The following KIF5C variants were observed in gnomAD, a reference collection of about 807,000 sequenced individuals.
KIF5C encodes kinesin family member 5C, also known as kinesin heavy chain isoform 5C.
In KIF5C, 18 loss-of-function variants were observed where a neutral mutation model predicts 125.2. The observed-to-expected ratio is 0.14, with a 90% confidence interval of 0.10 to 0.21. KIF5C has a LOEUF of 0.21. Ranked by LOEUF, KIF5C falls within the 10% of genes least tolerant of loss-of-function variation. The probability of loss-of-function intolerance (pLI) is 1.00; values close to 1 mark genes in which losing one functional copy is unlikely to be tolerated. For synonymous variants in KIF5C, 405 were observed against 434.0 expected (o/e 0.93, Z 0.83); for missense variants, 780 against 1,183.8 (o/e 0.66, Z 5.01).
chr2:148,928,429 AG>A (rs1369635125), intron 2 of KIF5C, among the ~76,000 whole-genome samples: 3 of 152,228 alleles, frequency 2.0e-5, no homozygotes, highest in African/African-American at 7.2e-5. Flanking sequence ...AGGATGAAGG[AG>A]GAAAGCAGGA....
chr2:149,009,850 A>G (rs1250198525), intron 23 of KIF5C, among the ~76,000 whole-genome samples: 1 of 152,098 alleles, frequency 6.6e-6, no homozygotes, highest in Non-Finnish European at 1.5e-5. Flanking sequence ...CACACACCCA[A>G]ACAGAAGAGG....
intron 8 of KIF5C, chr2:148,948,002 T>C (rs964288673): frequency 2.2e-6 from 1 of 456,516 alleles, no homozygotes; most frequent in African/African-American, 2.0e-5. Flanking sequence ...TATGCATTTG[T>C]AAAACCTGAG....
At chr2:148,906,147 G>A (rs1414650906) in intron 1 of KIF5C, among the ~76,000 whole-genome samples, 1 of 152,198 alleles carries the variant, frequency 6.6e-6, no homozygotes, top group African/African-American at 2.4e-5. Flanking sequence ...AGGGAAAAAG[G>A]GGAGGCAGAG....
chr2:148,933,649 T>G (rs1373054083), intron 3 of KIF5C, among the ~76,000 whole-genome samples: 1 of 145,540 alleles, frequency 6.9e-6, no homozygotes, highest in Non-Finnish European at 1.5e-5. Context: ...CCCACATACA[T>G]TGTACACACA....
intron 8 of KIF5C, 100 bp downstream of exon 8, chr2:148,947,123 A>G: frequency 6.9e-7 from 1 of 1,457,550 alleles, no homozygotes; most frequent in Non-Finnish European, 9.1e-7. Context: ...CCTGCTTTAA[A>G]GAGCTTTTAA....
chr2:149,009,407 G>A (rs1682114958), intron 23 of KIF5C, among the ~76,000 whole-genome samples: 2 of 152,184 alleles, frequency 1.3e-5, no homozygotes, highest in Non-Finnish European at 2.9e-5. Flanking sequence ...GCTCACTTTG[G>A]TGTAGCACTT....
intron 25 of KIF5C, 99 bp from the exon 26 acceptor site, chr2:149,022,979 C>G (rs1044241140): frequency 9.2e-5 from 14 of 152,160 alleles, no homozygotes; most frequent in African/African-American, 3.1e-4. Context: ...TCTGACAGCT[C>G]TGGTCTAAAC....
intron 8 of KIF5C, among the ~76,000 whole-genome samples, chr2:148,948,565 C>T (rs1296692976): frequency 6.6e-6 from 1 of 152,128 alleles, no homozygotes; most frequent in African/African-American, 2.4e-5. Flanking sequence ...AAATCATGTC[C>T]TTCACGTAGT....
At chr2:148,973,959 A>C (rs548001025) in intron 12 of KIF5C, among the ~76,000 whole-genome samples, 1 of 152,310 alleles carries the variant, frequency 6.6e-6, no homozygotes, top group African/African-American at 2.4e-5. Context: ...AGGCCCTGGG[A>C]TGAGAAATCG....
chr2:148,906,582 A>T (rs2105062037), intron 1 of KIF5C, among the ~76,000 whole-genome samples: 1 of 151,998 alleles, frequency 6.6e-6, no homozygotes, highest in Admixed American at 6.5e-5. Context: ...AAAAATAATG[A>T]AGTCAGGCAT....
chr2:149,019,576 G>A (rs1423816977), intron 25 of KIF5C, among the ~76,000 whole-genome samples: 1 of 152,144 alleles, frequency 6.6e-6, no homozygotes, highest in Non-Finnish European at 1.5e-5. Flanking sequence ...CAGCTTCATG[G>A]TTCTCAGAGT....
At chr2:148,980,490 G>A (rs910261703) in intron 13 of KIF5C, among the ~76,000 whole-genome samples, 1 of 152,042 alleles carries the variant, frequency 6.6e-6, no homozygotes, top group East Asian at 1.9e-4. Flanking sequence ...TAAAGATACT[G>A]TTTGGGGTAC....
At chr2:149,022,074 G>A (rs1243628782) in intron 25 of KIF5C, among the ~76,000 whole-genome samples, 1 of 152,164 alleles carries the variant, frequency 6.6e-6, no homozygotes, top group East Asian at 1.9e-4. Flanking sequence ...AAATGGACAG[G>A]GGTGGTCTTT....
At chr2:148,992,786 A>T (rs566984465) in intron 16 of KIF5C, among the ~76,000 whole-genome samples, 1 of 152,228 alleles carries the variant, frequency 6.6e-6, no homozygotes. Flanking sequence ...TTTTATGATT[A>T]TATAGTTGTT....
chr2:149,002,349 G>A (rs1681875392), intron 21 of KIF5C, among the ~76,000 whole-genome samples: 1 of 152,098 alleles, frequency 6.6e-6, no homozygotes, highest in South Asian at 2.1e-4. Context: ...AAGCATGTGA[G>A]CACATCATCA....
intron 15 of KIF5C, among the ~76,000 whole-genome samples, chr2:148,987,658 C>G (rs565663426): frequency 6.6e-6 from 1 of 151,876 alleles, no homozygotes; most frequent in Non-Finnish European, 1.5e-5. Flanking sequence ...TCCTTGGCCA[C>G]GAGGGGGTCT....
Position 149,023,528 on chromosome 2 carries a change from G to T in KIF5C, c.*458G>T, listed in dbSNP as rs938457120. The stretch of plus-strand genomic sequence containing the variant: ...GTTTTATATTTTTAGGGAACAAAAA[G>T]TGCTGCTATAGGGTTCAAAGTTTTC... On this transcript the variant is annotated 3_prime_UTR_variant, in exon 26 of 26. Coordinates refer to ENST00000435030, the MANE Select transcript of KIF5C (RefSeq NM_004522.3). 7 of 152,728 alleles carry T rather than the reference G, an allele frequency of 4.6e-5. No individual in the cohort carries two copies. Among genetic ancestry groups the T allele is most frequent in the African/African-American group, 1.7e-4 (7 of 41,558 alleles). 9.5% of individuals were successfully genotyped at this position (152,728 alleles called of 1,614,324 possible).
At position 148,911,407 on chromosome 2, in the gene KIF5C, TC is replaced by T. The variant is rs1681332423; in HGVS notation, c.127-10729del. ...CCACAAGGCCGGGCTGGTGCACAAT[TC>T]TACCCTTGTGAATATTGAGGATATT... On this transcript the variant is annotated intron_variant, in intron 1 of 25. Coordinates refer to ENST00000435030, the MANE Select transcript of KIF5C (RefSeq NM_004522.3). Among the ~76,000 whole-genome samples, 3 of 152,118 alleles carry T rather than the reference TC, an allele frequency of 2.0e-5. No individual in the cohort carries two copies. The South Asian group carries it at 6.2e-4, about 32-fold the overall frequency.
chr2:148,920,633 G>A (rs1182933235), intron 1 of KIF5C, among the ~76,000 whole-genome samples: 1 of 152,176 alleles, frequency 6.6e-6, no homozygotes, highest in African/African-American at 2.4e-5. Flanking sequence ...TTACCTGGCT[G>A]GTGCTATCCA....
Sources: allele counts gnomAD v4.1 joint callset (sites outside exome capture counted in the v4.1 genomes callset), GRCh38; gene constraint gnomAD v4.1.1; transcripts MANE v1.5; gene names NCBI Gene and HGNC (gene_info 2026-07-23, HGNC 2026-07-21).